The following TMEM108 variants were observed in gnomAD, a reference collection of about 807,000 sequenced individuals.
The protein encoded by TMEM108 is cancer/testis antigen 124.
Under a neutral mutation model 35.1 loss-of-function variants are expected in TMEM108, and 12 were observed. The ratio of observed to expected loss-of-function variants is 0.34; its 90% CI spans 0.22 to 0.55. The LOEUF is 0.55. TMEM108 is among the 20% of genes least tolerant of loss of function. The pLI, the probability that TMEM108 is intolerant of heterozygous loss-of-function variation, is 0.89. For synonymous variants in TMEM108, 287 were observed against 308.6 expected, an observed-to-expected ratio of 0.93 and a Z score of 0.73; for missense variants, 680 against 753.3, an observed-to-expected ratio of 0.90 and a Z score of 1.14.
intron 2 of TMEM108, among the ~76,000 whole-genome samples, chr3:133,055,362 A>G (rs1392129801): frequency 6.6e-6 from 1 of 152,242 alleles, no homozygotes; most frequent in African/African-American, 2.4e-5. Flanking sequence ...GTTTGTTCTC[A>G]TAGAATCAGG....
At chr3:133,336,834 C>G (rs1471418008) in intron 3 of TMEM108, among the ~76,000 whole-genome samples, 2 of 152,038 alleles carry the variant, frequency 1.3e-5, no homozygotes, top group African/African-American at 4.8e-5. Context: ...AAGGGTGAGT[C>G]CCCAGGCCAG....
chr3:133,141,029 G>A (rs1014039262), intron 2 of TMEM108, among the ~76,000 whole-genome samples: 4 of 152,058 alleles, frequency 2.6e-5, no homozygotes, highest in African/African-American at 4.8e-5. Context: ...AAAAGGATCC[G>A]GCCTACCAAA....
chr3:133,140,110 T>G (rs1190354949), intron 2 of TMEM108, among the ~76,000 whole-genome samples: 1 of 152,240 alleles, frequency 6.6e-6, no homozygotes, highest in African/African-American at 2.4e-5. Context: ...AATCTTAATT[T>G]GGTTGTTTTT....
chr3:133,087,731 G>T (rs1242814840), intron 2 of TMEM108, among the ~76,000 whole-genome samples: 1 of 152,158 alleles, frequency 6.6e-6, no homozygotes, highest in Non-Finnish European at 1.5e-5. Context: ...CGGGTATCTT[G>T]AGAACAAGGA....
At position 133,225,417 on chromosome 3, in the gene TMEM108, T is replaced by TGGG. The variant is rs551583443; in HGVS notation, c.-46-3846_-46-3844dup. Among the ~76,000 whole-genome samples, 22 of 152,148 alleles carry TGGG rather than the reference T, an allele frequency of 1.4e-4. 2 individuals are homozygous for TGGG. In the South Asian group the frequency reaches 4.6e-3, roughly 32 times the overall value. ...TTCCTCATACAAATCACACTGGTGG[T>TGGG]GGGGGACGAATTTGCCTAGCCAAAA... On this transcript the variant is annotated intron_variant, in intron 2 of 5. Transcript: ENST00000321871.
At chr3:133,172,546 G>A (rs1376080254) in intron 2 of TMEM108, among the ~76,000 whole-genome samples, 1 of 152,160 alleles carries the variant, frequency 6.6e-6, no homozygotes, top group Non-Finnish European at 1.5e-5. Flanking sequence ...ATGTTGCATG[G>A]TGCTTTTGGG....
chr3:133,217,664 A>G (rs906093892), intron 2 of TMEM108, among the ~76,000 whole-genome samples: 1 of 151,992 alleles, frequency 6.6e-6, no homozygotes, highest in Admixed American at 6.6e-5. Flanking sequence ...AATTTTCCCA[A>G]TGCCATTTAT....
At chr3:133,301,890 A>C (rs1364978876) in intron 3 of TMEM108, among the ~76,000 whole-genome samples, 8 of 152,108 alleles carry the variant, frequency 5.3e-5, no homozygotes, top group Non-Finnish European at 1.0e-4. Flanking sequence ...GAGTGGGTGC[A>C]ACTCAGGAAG....
chr3:133,243,495 T>C (rs1255424415), intron 3 of TMEM108, among the ~76,000 whole-genome samples: 2 of 137,950 alleles, frequency 1.4e-5, no homozygotes, highest in African/African-American at 2.7e-5. Flanking sequence ...ATTGGTCTGA[T>C]TGGGGAAATA....
At chr3:133,249,492 A>T (rs759344906) in intron 3 of TMEM108, among the ~76,000 whole-genome samples, 1 of 152,110 alleles carries the variant, frequency 6.6e-6, no homozygotes, top group South Asian at 2.1e-4. Context: ...TCCAGTGTCT[A>T]TTGTTGCCAT....
intron 2 of TMEM108, among the ~76,000 whole-genome samples, chr3:133,167,633 A>G (rs1334863590): frequency 6.6e-6 from 1 of 152,194 alleles, no homozygotes; most frequent in Non-Finnish European, 1.5e-5. Context: ...CTGCTGGCCC[A>G]GGTGCTAAGC....
chr3:133,209,267 C>T (rs1165529866), intron 2 of TMEM108, among the ~76,000 whole-genome samples: 2 of 151,548 alleles, frequency 1.3e-5, no homozygotes, highest in African/African-American at 4.8e-5. Flanking sequence ...GTCTCAACTC[C>T]GGCCTCAAGC....
intron 2 of TMEM108, among the ~76,000 whole-genome samples, chr3:133,168,428 G>A (rs182970686): frequency 6.6e-6 from 1 of 152,118 alleles, no homozygotes; most frequent in Non-Finnish European, 1.5e-5. Context: ...AGGGAGGCGA[G>A]GGGGATTGAA....
intron 3 of TMEM108, among the ~76,000 whole-genome samples, chr3:133,307,543 T>C (rs1385565553): frequency 6.6e-6 from 1 of 152,196 alleles, no homozygotes; most frequent in East Asian, 1.9e-4. Flanking sequence ...TGAATTAATT[T>C]TTGTATAAGG....
chr3:133,138,561 A>G (rs1339602846), intron 2 of TMEM108, among the ~76,000 whole-genome samples: 2 of 152,052 alleles, frequency 1.3e-5, no homozygotes, highest in African/African-American at 2.4e-5. Flanking sequence ...GTGTGGCCCA[A>G]GATAATTTGT....
chr3:133,211,167 A>G (rs767282064), intron 2 of TMEM108, among the ~76,000 whole-genome samples: 1 of 152,204 alleles, frequency 6.6e-6, no homozygotes, highest in Non-Finnish European at 1.5e-5. Context: ...GCTGAAGTGT[A>G]TTGCCTCTTC....
chr3:133,106,082 T>TA (rs1944147736), intron 2 of TMEM108, among the ~76,000 whole-genome samples: 1 of 151,286 alleles, frequency 6.6e-6, no homozygotes, highest in African/African-American at 2.4e-5. Context: ...TACATACTTA[T>TA]AATAAGTGCA....
rs575433078 is a variant in TMEM108, at chr3:133,310,892, T to A, written c.41-68860T>A. ...TTCCTTTCCATGTTTAGTGCTTCCTTCAGGAGCTCTTGTAAGGCAGGCCTG... is the reference window on the plus strand; with the variant it reads ...TTCCTTTCCATGTTTAGTGCTTCCTACAGGAGCTCTTGTAAGGCAGGCCTG... On this transcript the variant is annotated intron_variant, in intron 3 of 5. Coordinates refer to ENST00000321871, the MANE Select transcript of TMEM108 (RefSeq NM_023943.4). 7.9e-5 allele frequency among the ~76,000 whole-genome samples: 12 copies of A among 152,320 alleles called. No homozygotes were observed. In the South Asian group the frequency reaches 2.5e-3, roughly 32 times the overall value.
intron 3 of TMEM108, among the ~76,000 whole-genome samples, chr3:133,342,555 T>TATACATATATATATATATATATATATAC (rs60991711): frequency 4.7e-5 from 3 of 63,424 alleles, no homozygotes; most frequent in Non-Finnish European, 7.3e-5. Context: ...TATATATATA[T>TATACATATATATATATATATATATATAC]ACACACACAC....
Sources: gnomAD v4.1 joint callset for allele counts (sites outside exome capture counted in the v4.1 genomes callset) on GRCh38, gnomAD v4.1.1 for gene constraint, MANE v1.5 for transcripts, NCBI Gene and HGNC (gene_info 2026-07-23, HGNC 2026-07-21) for gene names.